Variants in CSNK1G1 observed in about 807,000 individuals in gnomAD.
CSNK1G1 encodes casein kinase I isoform gamma-1.
Under a neutral mutation model 59.6 loss-of-function variants are expected in CSNK1G1, and 22 were observed. The ratio of observed to expected loss-of-function variants is 0.37; its 90% confidence interval spans 0.26 to 0.53. The LOEUF is 0.53. Ranked by LOEUF, CSNK1G1 falls within the 20% of genes least tolerant of loss-of-function variation. The probability of loss-of-function intolerance (pLI) is 0.89; values close to 1 mark genes in which losing one functional copy is unlikely to be tolerated. For synonymous variants in CSNK1G1, 179 were observed against 177.1 expected, an observed-to-expected ratio of 1.01 and a Z score of -0.08; for missense variants, 384 against 519.5, an observed-to-expected ratio of 0.74 and a Z score of 2.54.
chr15:64,265,739 A>G (rs1216956200), intron 2 of CSNK1G1: 1 of 453,842 alleles, frequency 2.2e-6, no homozygotes, highest in Non-Finnish European at 4.4e-6. Context: ...TAAAATACCA[A>G]CAAAAGAAAC....
At chr15:64,198,899 T>A (rs1389183825) in intron 10 of CSNK1G1, among the ~76,000 whole-genome samples, 3 of 151,702 alleles carry the variant, frequency 2.0e-5, no homozygotes, top group South Asian at 2.1e-4. Context: ...GTTATAACAT[T>A]TACATCAACG....
chr15:64,314,993 AG>A (rs1272652198), intron 1 of CSNK1G1, among the ~76,000 whole-genome samples: 1 of 152,228 alleles, frequency 6.6e-6, no homozygotes, highest in Non-Finnish European at 1.5e-5. Context: ...ATAAATACCC[AG>A]AAGTGGTATT....
intron 2 of CSNK1G1, 80 bp from the exon 3 acceptor site, chr15:64,259,321 A>G (rs1892561826): frequency 8.2e-6 from 8 of 980,160 alleles, no homozygotes; most frequent in South Asian, 7.7e-5. Flanking sequence ...TTACAGGGTC[A>G]TGAGAAAGGT....
At chr15:64,291,407 T>C (rs1183313427) in intron 2 of CSNK1G1, among the ~76,000 whole-genome samples, 2 of 151,892 alleles carry the variant, frequency 1.3e-5, no homozygotes, top group African/African-American at 4.8e-5. Flanking sequence ...GCCAACATGG[T>C]GAAACCCCAT....
intron 2 of CSNK1G1, among the ~76,000 whole-genome samples, chr15:64,287,753 C>T (rs571952189): frequency 1.3e-4 from 20 of 152,158 alleles, no homozygotes; most frequent in Middle Eastern, 3.4e-3. Context: ...TTTCAGTCAC[C>T]GCACATTTCT....
chr15:64,355,434 G>T (rs1286210422), intron 1 of CSNK1G1, among the ~76,000 whole-genome samples: 1 of 152,192 alleles, frequency 6.6e-6, no homozygotes, highest in Non-Finnish European at 1.5e-5. Flanking sequence ...CGAGGAAACA[G>T]TAAAGGAAGA....
chr15:64,191,130 C>T (rs760456308), intron 10 of CSNK1G1, among the ~76,000 whole-genome samples: 1 of 152,104 alleles, frequency 6.6e-6, no homozygotes. Flanking sequence ...GGCACGATCT[C>T]GGCTCACTGC....
chr15:64,213,236 T>G (rs1383152642), intron 6 of CSNK1G1, among the ~76,000 whole-genome samples: 1 of 152,134 alleles, frequency 6.6e-6, no homozygotes, highest in Non-Finnish European at 1.5e-5. Flanking sequence ...GGAGGCTTTT[T>G]TGAAGTGGAT....
rs895490672 is a variant in CSNK1G1, at chr15:64,200,062, T to C, written c.1107+3020A>G. Among the ~76,000 whole-genome samples the C allele has an allele frequency of 6.6e-6, 1 of 151,908 alleles. No homozygotes were observed. The highest frequency in any genetic ancestry group is 1.5e-5 in the Non-Finnish European group (1 of 67,982). On this transcript the variant is annotated intron_variant, in intron 10 of 11. Coordinates refer to ENST00000303052, the MANE Select transcript of CSNK1G1 (RefSeq NM_022048.5). The surrounding 1 kb of genome is among the most constrained non-coding windows in gnomAD (Gnocchi z 4.3). ...GAGTTCCAGACTAGCCTGGCCAACA[T>C]GGTGAAACCCCATCTCCACTAAACA...
intron 4 of CSNK1G1, among the ~76,000 whole-genome samples, chr15:64,224,932 G>T (rs914935139): frequency 6.6e-6 from 1 of 151,582 alleles, no homozygotes; most frequent in African/African-American, 2.4e-5. Flanking sequence ...CCCAAAAGGA[G>T]TCAGAAAAGA....
intron 2 of CSNK1G1, among the ~76,000 whole-genome samples, chr15:64,270,763 A>G (rs1439328469): frequency 6.6e-6 from 1 of 151,780 alleles, no homozygotes; most frequent in Non-Finnish European, 1.5e-5. Context: ...CCGTCTCAAA[A>G]AAAAAAAAAA....
At chr15:64,277,626 T>TA (rs1893739398) in intron 2 of CSNK1G1, among the ~76,000 whole-genome samples, 1 of 138,172 alleles carries the variant, frequency 7.2e-6, no homozygotes, top group Non-Finnish European at 1.6e-5. Flanking sequence ...GTATATTTAA[T>TA]ATATTAATAT....
At chr15:64,232,623 G>C (rs544171995) in intron 4 of CSNK1G1, among the ~76,000 whole-genome samples, 10 of 152,254 alleles carry the variant, frequency 6.6e-5, no homozygotes, top group African/African-American at 2.4e-4. Flanking sequence ...GACATACTAT[G>C]AGCTAGGAAG....
chr15:64,265,696 C>T, intron 2 of CSNK1G1: 1 of 345,258 alleles, frequency 2.9e-6, no homozygotes, highest in Non-Finnish European at 5.7e-6. Flanking sequence ...TAAATTCAAC[C>T]AAAGGGGTGA....
At chr15:64,299,444 T>C (rs897290661) in intron 2 of CSNK1G1, among the ~76,000 whole-genome samples, 1 of 151,734 alleles carries the variant, frequency 6.6e-6, no homozygotes, top group Admixed American at 6.6e-5. Context: ...AAAACAAAAT[T>C]AGCCGGGCGT....
At chr15:64,192,292 C>A (rs377533319) in intron 10 of CSNK1G1, among the ~76,000 whole-genome samples, 1 of 152,164 alleles carries the variant, frequency 6.6e-6, no homozygotes, top group African/African-American at 2.4e-5. Context: ...GTGTGTAAGT[C>A]CCCCAAAGCA....
intron 2 of CSNK1G1, among the ~76,000 whole-genome samples, chr15:64,278,894 G>A (rs1192268446): frequency 6.6e-6 from 1 of 151,964 alleles, no homozygotes; most frequent in Non-Finnish European, 1.5e-5. Flanking sequence ...GTTAACCTAT[G>A]TGTTTCACTT....
chr15:64,236,156 A>G (rs1566913305), intron 4 of CSNK1G1, among the ~76,000 whole-genome samples: 2 of 151,610 alleles, frequency 1.3e-5, no homozygotes, highest in South Asian at 2.1e-4. Flanking sequence ...AAAAAAAAAA[A>G]AAAAAGAAAA....
intron 4 of CSNK1G1, among the ~76,000 whole-genome samples, chr15:64,247,628 G>C (rs1891828015): frequency 6.6e-6 from 1 of 152,112 alleles, no homozygotes; most frequent in African/African-American, 2.4e-5. Flanking sequence ...CCTCCAACCA[G>C]AACCACATTC....
Sources: allele counts gnomAD v4.1 joint callset (sites outside exome capture counted in the v4.1 genomes callset), GRCh38; gene constraint gnomAD v4.1.1; non-coding constraint Gnocchi (gnomAD v3.1); transcripts MANE v1.5; gene names NCBI Gene and HGNC (gene_info 2026-07-23, HGNC 2026-07-21).